The following TMEM196 variants were observed in gnomAD, a reference collection of about 807,000 sequenced individuals.
TMEM196 encodes transmembrane protein 196.
TMEM196 carries 17 observed loss-of-function variants against 20.0 expected under a neutral mutation model. The ratio of observed to expected loss-of-function variants is 0.85; its 90% CI spans 0.58 to 1.27. The LOEUF is 1.27. TMEM196 is among the 50% of genes most tolerant of loss of function. TMEM196 has a pLI of 0.00. For synonymous variants in TMEM196, 113 were observed against 88.9 expected (o/e 1.27, Z -1.52); for missense variants, 267 against 223.0 (o/e 1.20, Z -1.26).
At chr7:19,766,889 ATC>A (rs1365017820) in intron 1 of TMEM196, among the ~76,000 whole-genome samples, 2 of 152,106 alleles carry the variant, frequency 1.3e-5, no homozygotes, top group Non-Finnish European at 2.9e-5. Context: ...ACATTGGATA[ATC>A]TGGCTCATAA....
At chr7:19,750,970 T>G (rs1784937968) in intron 1 of TMEM196, among the ~76,000 whole-genome samples, 1 of 152,196 alleles carries the variant, frequency 6.6e-6, no homozygotes, top group African/African-American at 2.4e-5. Flanking sequence ...TGGTTAAAAA[T>G]GTAATGCATT....
At chr7:19,736,702 C>A (rs1284268394) in intron 1 of TMEM196, among the ~76,000 whole-genome samples, 1 of 151,786 alleles carries the variant, frequency 6.6e-6, no homozygotes, top group Admixed American at 6.6e-5. Flanking sequence ...TTCTCCTTAA[C>A]TACTCTCACT....
chr7:19,736,391 ATATATATAT>A (rs1583428345), intron 1 of TMEM196, among the ~76,000 whole-genome samples: 6 of 86,546 alleles, frequency 6.9e-5, no homozygotes, highest in Middle Eastern at 5.8e-3. Flanking sequence ...ATATATATAT[ATATATATAT>A]AAATTATCTC....
At chr7:19,738,742 A>G (rs1340865209) in intron 1 of TMEM196, among the ~76,000 whole-genome samples, 2 of 152,160 alleles carry the variant, frequency 1.3e-5, no homozygotes, top group Non-Finnish European at 2.9e-5. Context: ...CCCAATGTGT[A>G]CAATAAATAT....
intron 2 of TMEM196, 23 bp from the exon 3 acceptor site, chr7:19,725,791 C>A (rs1017314354): frequency 4.5e-6 from 7 of 1,565,138 alleles, no homozygotes; most frequent in Admixed American, 1.8e-5. Context: ...AGAAAGGCAG[C>A]GTTAAAGTTG....
chr7:19,739,079 C>T (rs1784500777), intron 1 of TMEM196, among the ~76,000 whole-genome samples: 1 of 152,058 alleles, frequency 6.6e-6, no homozygotes, highest in African/African-American at 2.4e-5. Flanking sequence ...GGCAGGGATG[C>T]CCACTATTAC....
At chr7:19,750,876 C>G (rs1325582639) in intron 1 of TMEM196, among the ~76,000 whole-genome samples, 1 of 152,098 alleles carries the variant, frequency 6.6e-6, no homozygotes, top group Non-Finnish European at 1.5e-5. Flanking sequence ...TGTAATTCCC[C>G]AACGCTATTT....
chr7:19,719,496 T>C lies in TMEM196; in HGVS notation c.*2632A>G, dbSNP rs1783748067. The C allele has an allele frequency of 6.6e-6, 1 of 151,668 alleles. No individual in the cohort carries two copies. The highest frequency in any genetic ancestry group is 2.1e-4 in the South Asian group (1 of 4,814). 9.4% of individuals were successfully genotyped at this position (151,668 alleles called of 1,614,324 possible). A position where few individuals can be genotyped will look rare whatever the true frequency, so the allele number is the denominator to read the frequency against. On this transcript the variant is annotated 3_prime_UTR_variant, in exon 5 of 5. Coordinates refer to ENST00000405844, the MANE Select transcript of TMEM196 (RefSeq NM_001363562.2). ...GCCCAATTTTATTCTTTTATGCTTA[T>C]AATACTCTACCTATTTGATATGGTC...
chr7:19,763,997 T>C (rs557930267), intron 1 of TMEM196, among the ~76,000 whole-genome samples: 23 of 152,292 alleles, frequency 1.5e-4, no homozygotes, highest in Admixed American at 7.2e-4. Flanking sequence ...CTCACTTCTT[T>C]GTATTATGCC....
In TMEM196 at chr7:19,772,841, C is replaced by T. The variant is rs1405756797; in HGVS notation, c.-145G>A. On this transcript the variant is annotated 5_prime_UTR_variant, in exon 1 of 5. Coordinates refer to ENST00000405844, the MANE Select transcript of TMEM196 (RefSeq NM_001363562.2). ...AAGAGCGAGGCATTATCCACAAGGG[C>T]TGGATTTCCAGAAACGAAGACCTTC... The T allele has an allele frequency of 2.5e-6, 2 of 804,378 alleles. No individual in the cohort carries two copies. The highest frequency in any genetic ancestry group is 4.1e-5 in the Admixed American group (1 of 24,640). The allele number at this position is 804,378 out of a possible 1,614,324, so 49.8% of individuals were successfully genotyped here. A position where few individuals can be genotyped will look rare whatever the true frequency, so the allele number is the denominator to read the frequency against.
At chr7:19,747,929 A>G (rs1054882187) in intron 1 of TMEM196, among the ~76,000 whole-genome samples, 1 of 152,288 alleles carries the variant, frequency 6.6e-6, no homozygotes, top group East Asian at 1.9e-4. Context: ...CCGAAGAAGT[A>G]CTTTCCTACC....
intron 1 of TMEM196, among the ~76,000 whole-genome samples, chr7:19,737,389 A>G (rs1784444905): frequency 1.3e-5 from 2 of 152,044 alleles, no homozygotes; most frequent in Non-Finnish European, 2.9e-5. Context: ...TGTAGCCACT[A>G]TGTAAAACAA....
chr7:19,758,463 AT>A (rs1454308938), intron 1 of TMEM196, among the ~76,000 whole-genome samples: 2 of 152,252 alleles, frequency 1.3e-5, no homozygotes, highest in East Asian at 3.9e-4. Flanking sequence ...TGGTTGAAAG[AT>A]TTTTTTAAGG....
At chr7:19,736,383 ATATAT>A (rs1784407412) in intron 1 of TMEM196, among the ~76,000 whole-genome samples, 1 of 54,220 alleles carries the variant, frequency 1.8e-5, no homozygotes, top group Non-Finnish European at 3.2e-5. Context: ...ATATATATAT[ATATAT>A]ATATATATAT....
At chr7:19,742,848 C>A (rs1001023433) in intron 1 of TMEM196, among the ~76,000 whole-genome samples, 2 of 152,152 alleles carry the variant, frequency 1.3e-5, no homozygotes, top group Admixed American at 6.5e-5. Flanking sequence ...TGATGTCTCA[C>A]ATACTCTAAG....
chr7:19,746,985 G>T (rs1165108805), intron 1 of TMEM196, among the ~76,000 whole-genome samples: 1 of 152,194 alleles, frequency 6.6e-6, no homozygotes, highest in African/African-American at 2.4e-5. Flanking sequence ...GCCGGGCGTG[G>T]TGGCTCACGC....
chr7:19,758,853 T>A (rs772100751), intron 1 of TMEM196, among the ~76,000 whole-genome samples: 80 of 152,288 alleles, frequency 5.3e-4, no homozygotes, highest in Non-Finnish European at 1.1e-3. Flanking sequence ...CTTGACTTAG[T>A]CATACTTTAG....
chr7:19,760,913 T>C (rs1391664900), intron 1 of TMEM196, among the ~76,000 whole-genome samples: 7 of 152,218 alleles, frequency 4.6e-5, no homozygotes, highest in African/African-American at 1.7e-4. Flanking sequence ...CAGAAGCTTG[T>C]GCTCCTGGAG....
At chr7:19,727,151 A>G (rs1784025965) in intron 2 of TMEM196, among the ~76,000 whole-genome samples, 1 of 152,228 alleles carries the variant, frequency 6.6e-6, no homozygotes, top group South Asian at 2.1e-4. Context: ...AGCATCTGTT[A>G]GCCCCTGAGT....
Sources: gnomAD v4.1 joint callset for allele counts (sites outside exome capture counted in the v4.1 genomes callset) on GRCh38, gnomAD v4.1.1 for gene constraint, MANE v1.5 for transcripts, NCBI Gene and HGNC (gene_info 2026-07-23, HGNC 2026-07-21) for gene names.